DYNC1I1: variants seen among roughly 807,000 people sequenced by gnomAD.
DYNC1I1 encodes dynein cytoplasmic 1 intermediate chain 1.
In DYNC1I1, 43 loss-of-function variants were observed where a neutral mutation model predicts 86.6. The ratio of observed to expected loss-of-function variants is 0.50; its 90% confidence interval spans 0.39 to 0.64. The LOEUF (loss-of-function observed/expected upper bound fraction) is 0.64. DYNC1I1 is among the 30% of genes least tolerant of loss of function. The pLI, the probability that DYNC1I1 is intolerant of heterozygous loss-of-function variation, is 0.00. For missense variants in DYNC1I1, 604 were observed against 788.8 expected (o/e 0.77, Z 2.81); for synonymous variants, 262 against 283.7 (o/e 0.92, Z 0.77).
At chr7:95,981,824 C>T (rs969871653) in intron 7 of DYNC1I1, among the ~76,000 whole-genome samples, 2 of 152,202 alleles carry the variant, frequency 1.3e-5, no homozygotes, top group South Asian at 4.2e-4. Context: ...CTATTAAATC[C>T]TATCTTTTTA....
chr7:95,965,806 A>G (rs546792396), intron 6 of DYNC1I1, among the ~76,000 whole-genome samples: 1 of 152,316 alleles, frequency 6.6e-6, no homozygotes, highest in African/African-American at 2.4e-5. Context: ...TGAGGAATCA[A>G]CCCAAAATTA....
At chr7:95,969,717 C>T (rs1488617120) in intron 6 of DYNC1I1, among the ~76,000 whole-genome samples, 1 of 152,112 alleles carries the variant, frequency 6.6e-6, no homozygotes, top group Non-Finnish European at 1.5e-5. Context: ...TATTTTCTTT[C>T]ATTTCCTCCC....
intron 14 of DYNC1I1, among the ~76,000 whole-genome samples, chr7:96,066,761 A>G (rs1446082413): frequency 6.6e-6 from 1 of 152,188 alleles, no homozygotes; most frequent in Non-Finnish European, 1.5e-5. Flanking sequence ...GTAAGACTCC[A>G]TAAATCCTTT....
intron 5 of DYNC1I1, among the ~76,000 whole-genome samples, chr7:95,850,804 G>C (rs1383039837): frequency 1.3e-5 from 2 of 152,138 alleles, no homozygotes; most frequent in Non-Finnish European, 2.9e-5. Context: ...TCCTTATTGA[G>C]AATGTGTACC....
chr7:95,831,454 C>A (rs1398241270), intron 5 of DYNC1I1, among the ~76,000 whole-genome samples: 1 of 152,138 alleles, frequency 6.6e-6, no homozygotes, highest in African/African-American at 2.4e-5. Context: ...CTCACTGCAA[C>A]CTCTGCCTCC....
At chr7:95,878,252 A>C (rs1265760434) in intron 6 of DYNC1I1, among the ~76,000 whole-genome samples, 1 of 152,196 alleles carries the variant, frequency 6.6e-6, no homozygotes, top group East Asian at 1.9e-4. Flanking sequence ...GGATTTAACA[A>C]AGACTTCAGA....
chr7:95,776,166 C>T (rs1793834790), intron 1 of DYNC1I1, among the ~76,000 whole-genome samples: 1 of 152,146 alleles, frequency 6.6e-6, no homozygotes, highest in Non-Finnish European at 1.5e-5. Flanking sequence ...GCAGTCCAGC[C>T]TGGGCGACAG....
chr7:95,792,042 A>G (rs1794316917), intron 1 of DYNC1I1, among the ~76,000 whole-genome samples: 1 of 152,242 alleles, frequency 6.6e-6, no homozygotes, highest in Non-Finnish European at 1.5e-5. Context: ...ATATGGACAT[A>G]ATGTCTCCAA....
intron 6 of DYNC1I1, among the ~76,000 whole-genome samples, chr7:95,882,712 A>G (rs1445845208): frequency 6.6e-6 from 1 of 152,188 alleles, no homozygotes; most frequent in East Asian, 1.9e-4. Flanking sequence ...CAAGTGTTAT[A>G]TTGAACATTG....
In DYNC1I1 at chr7:95,889,519, C is replaced by T. The variant is rs552930231; in HGVS notation, c.490+19521C>T. Among the ~76,000 whole-genome samples, 4 of 152,192 alleles carry T rather than the reference C, an allele frequency of 2.6e-5. No homozygotes were observed. In the South Asian group the frequency reaches 6.2e-4, roughly 24 times the overall value. On this transcript the variant is annotated intron_variant, in intron 6 of 16. Transcript: ENST00000447467. ...CCCTGAAAGTTAACCTAGGCAATACCATTCAGGACAAAGAAACTGGCAAAG... is the reference window on the plus strand; with the variant it reads ...CCCTGAAAGTTAACCTAGGCAATACTATTCAGGACAAAGAAACTGGCAAAG...
intron 4 of DYNC1I1, among the ~76,000 whole-genome samples, chr7:95,819,275 T>G (rs1042505514): frequency 6.6e-6 from 1 of 152,180 alleles, no homozygotes; most frequent in African/African-American, 2.4e-5. Flanking sequence ...GACAGAAAGC[T>G]TTGGTTAAAT....
Position 95,927,528 on chromosome 7 carries a change from A to T in DYNC1I1, c.491-49984A>T, listed in dbSNP as rs535650396. On this transcript the variant is annotated intron_variant, in intron 6 of 16. Transcript: ENST00000447467. ...GTTAAAAATACTATATAGATGTTAA[A>T]TTTATTGAGCTTGATAACTGTTCTA... is the stretch of plus-strand genomic sequence containing the variant. 3.3e-5 allele frequency among the ~76,000 whole-genome samples: 5 copies of T among 152,278 alleles called. No individual in the cohort carries two copies. In the East Asian group the frequency reaches 9.7e-4, roughly 29 times the overall value.
intron 6 of DYNC1I1, among the ~76,000 whole-genome samples, chr7:95,917,210 G>A (rs1269684350): frequency 6.6e-6 from 1 of 152,188 alleles, no homozygotes; most frequent in Non-Finnish European, 1.5e-5. Flanking sequence ...CTTGGCCTCT[G>A]GATTGTGGAC....
At chr7:96,010,670 A>G (rs1380442191) in intron 10 of DYNC1I1, among the ~76,000 whole-genome samples, 1 of 152,176 alleles carries the variant, frequency 6.6e-6, no homozygotes, top group Admixed American at 6.5e-5. Flanking sequence ...ATAAGAATCA[A>G]TGGCAACTCT....
intron 14 of DYNC1I1, among the ~76,000 whole-genome samples, chr7:96,057,070 G>A (rs1789598735): frequency 6.6e-6 from 1 of 152,190 alleles, no homozygotes; most frequent in Admixed American, 6.5e-5. Context: ...TAAATGTCCA[G>A]GGGCAGGTAA....
chr7:95,867,788 C>T (rs1206139396), intron 5 of DYNC1I1, among the ~76,000 whole-genome samples: 2 of 152,232 alleles, frequency 1.3e-5, no homozygotes, highest in Non-Finnish European at 1.5e-5. Flanking sequence ...TTTCCACTTC[C>T]TTGTTTATAA....
intron 11 of DYNC1I1, among the ~76,000 whole-genome samples, chr7:96,029,853 G>A (rs1045753552): frequency 1.3e-5 from 2 of 151,730 alleles, no homozygotes; most frequent in East Asian, 3.9e-4. Context: ...AGAGGTAGGA[G>A]TGTGCCAAGA....
In DYNC1I1 at chr7:96,084,079, C is replaced by T. The variant is rs1356860456; in HGVS notation, c.1776+3591C>T. ...TTTAGGCTGGGGAGAAAAGAGGGGC[C>T]TGTAGGCTAGCTTTTGCCAAGACCT... On this transcript the variant is annotated intron_variant, in intron 16 of 16. Coordinates refer to ENST00000447467, the MANE Select transcript of DYNC1I1 (RefSeq NM_001135556.2). 3.3e-5 allele frequency among the ~76,000 whole-genome samples: 5 copies of T among 151,902 alleles called. No individual in the cohort carries two copies. In the South Asian group the frequency reaches 8.3e-4, roughly 25 times the overall value.
chr7:95,795,027 G>A (rs1398972475), intron 1 of DYNC1I1, among the ~76,000 whole-genome samples: 1 of 152,222 alleles, frequency 6.6e-6, no homozygotes, highest in African/African-American at 2.4e-5. Context: ...GGACTACCCA[G>A]TATTGGCTTT....
Sources: allele counts gnomAD v4.1 joint callset (sites outside exome capture counted in the v4.1 genomes callset), GRCh38; gene constraint gnomAD v4.1.1; transcripts MANE v1.5; gene names NCBI Gene and HGNC (gene_info 2026-07-23, HGNC 2026-07-21).